C12orf42: variants seen among roughly 807,000 people sequenced by gnomAD.
C12orf42 encodes uncharacterized protein C12orf42.
Under a neutral mutation model 21.6 loss-of-function variants are expected in C12orf42, and 25 were observed. The observed-to-expected ratio is 1.16, with a 90% CI of 0.84 to 1.62. The LOEUF (loss-of-function observed/expected upper bound fraction) is 1.62. Among genes scored for constraint, C12orf42 ranks in the 40% most tolerant of loss-of-function variants. C12orf42 has a pLI of 0.00. For synonymous variants in C12orf42, 174 were observed against 175.0 expected, an observed-to-expected ratio of 0.99 and a Z score of 0.05; for missense variants, 483 against 459.3, an observed-to-expected ratio of 1.05 and a Z score of -0.47.
chr12:103,467,476 T>C (rs1412782824), intron 2 of C12orf42, among the ~76,000 whole-genome samples: 3 of 152,310 alleles, frequency 2.0e-5, no homozygotes, highest in Admixed American at 6.5e-5. Flanking sequence ...AGGAAAGCAC[T>C]GACCCCATCC....
In C12orf42 at chr12:103,477,851, G is replaced by A. The variant is rs1332608271; in HGVS notation, c.78+498C>T. The A allele has an allele frequency of 4.8e-5, 8 of 165,598 alleles. No individual in the cohort carries two copies. The Admixed American group carries it at 5.2e-4, about 11-fold the overall frequency. The allele number at this position is 165,598 out of a possible 1,614,324, so 10.3% of individuals were successfully genotyped here. A position where few individuals can be genotyped will look rare whatever the true frequency, so the allele number is the denominator to read the frequency against. On this transcript the variant is annotated intron_variant, in intron 2 of 5. Transcript: ENST00000548883. ...AAGTGGAAGATAGTACACTTGTACT[G>A]TTTTAAGCCACTAAGTTTGTGGTAA...
At chr12:103,461,001 C>T (rs1952663295) in intron 2 of C12orf42, among the ~76,000 whole-genome samples, 1 of 152,100 alleles carries the variant, frequency 6.6e-6, no homozygotes, top group Non-Finnish European at 1.5e-5. Context: ...TGTAGAACAA[C>T]TTAATAGCAT....
At chr12:103,552,063 A>G in the C12orf42 span, among the ~76,000 whole-genome samples, 1 of 151,678 alleles carries the variant, frequency 6.6e-6, no homozygotes, top group Non-Finnish European at 1.5e-5. Flanking sequence ...GTTTATTGTG[A>G]TCTCTTATGG....
chr12:103,474,370 A>G (rs1331193299), intron 2 of C12orf42, among the ~76,000 whole-genome samples: 2 of 151,974 alleles, frequency 1.3e-5, no homozygotes, highest in Non-Finnish European at 2.9e-5. Flanking sequence ...TCAGAAAGAG[A>G]GTCTGGCTGA....
intron 2 of C12orf42, among the ~76,000 whole-genome samples, chr12:103,448,032 C>A (rs1951687494): frequency 6.6e-6 from 1 of 151,716 alleles, no homozygotes; most frequent in South Asian, 2.1e-4. Flanking sequence ...TCACATTACC[C>A]AACGTCAAAC....
chr12:103,518,322 C>T, the C12orf42 span, among the ~76,000 whole-genome samples: 162 of 152,274 alleles, frequency 1.1e-3, no homozygotes, highest in African/African-American at 3.6e-3. Flanking sequence ...GCCAGGAAAC[C>T]AAGCCATCCC....
chr12:103,345,384 C>T (rs1463036047), intron 4 of C12orf42, among the ~76,000 whole-genome samples: 1 of 152,234 alleles, frequency 6.6e-6, no homozygotes, highest in South Asian at 2.1e-4. Flanking sequence ...ATCATAAGGG[C>T]TCAGTAAATG....
intron 4 of C12orf42, among the ~76,000 whole-genome samples, chr12:103,358,767 G>C (rs1566146711): frequency 6.6e-6 from 1 of 151,972 alleles, no homozygotes; most frequent in Non-Finnish European, 1.5e-5. Flanking sequence ...CCATCATCAG[G>C]TTCTTCTTTA....
At chr12:103,352,159 G>A (rs537540022) in intron 4 of C12orf42, among the ~76,000 whole-genome samples, 16 of 152,092 alleles carry the variant, frequency 1.1e-4, no homozygotes, top group Admixed American at 9.8e-4. Context: ...TGTTTCCCTG[G>A]TTCTTCACTT....
chr12:103,449,716 C>A (rs1228686412), intron 2 of C12orf42, among the ~76,000 whole-genome samples: 1 of 151,442 alleles, frequency 6.6e-6, no homozygotes, highest in Admixed American at 6.6e-5. Flanking sequence ...TTCTCCCTCC[C>A]CTAATTTATT....
At chr12:103,511,042 T>A in the C12orf42 span, among the ~76,000 whole-genome samples, 3 of 152,202 alleles carry the variant, frequency 2.0e-5, no homozygotes, top group East Asian at 5.8e-4. Context: ...GGTTGACCAT[T>A]CTAACTCTCA....
the C12orf42 span, among the ~76,000 whole-genome samples, chr12:103,509,713 T>C: frequency 1.3e-5 from 2 of 152,130 alleles, no homozygotes; most frequent in Admixed American, 6.6e-5. Context: ...CCAAAACACA[T>C]GGAAATTGTT....
intron 1 of C12orf42, among the ~76,000 whole-genome samples, chr12:103,484,652 CTTTAG>C (rs1467679993): frequency 7.2e-5 from 11 of 152,086 alleles, no homozygotes; most frequent in African/African-American, 2.7e-4. Flanking sequence ...TGCAGAAGCT[CTTTAG>C]TTTAATTAGA....
intron 2 of C12orf42, among the ~76,000 whole-genome samples, chr12:103,462,952 G>T (rs1315799791): frequency 6.6e-6 from 1 of 152,192 alleles, no homozygotes; most frequent in African/African-American, 2.4e-5. Context: ...TTTAAATTCA[G>T]GTTGTGTCAC....
At chr12:103,559,494 A>T in the C12orf42 span, 1 of 152,236 alleles carries the variant, frequency 6.6e-6, no homozygotes, top group South Asian at 2.1e-4. Flanking sequence ...GAGTCCTGTG[A>T]GTTCTAGCAA....
chr12:103,527,045 T>C, the C12orf42 span, among the ~76,000 whole-genome samples: 20 of 152,224 alleles, frequency 1.3e-4, no homozygotes, highest in Admixed American at 5.2e-4. Context: ...GAGAACCCAA[T>C]TGACTTCTGG....
intron 4 of C12orf42, among the ~76,000 whole-genome samples, chr12:103,280,668 T>A (rs896852621): frequency 2.0e-5 from 3 of 152,150 alleles, no homozygotes; most frequent in Non-Finnish European, 2.9e-5. Flanking sequence ...AAGTAAAGGA[T>A]AAAATACAAT....
At chr12:103,427,523 A>T (rs1592756279) in intron 2 of C12orf42, among the ~76,000 whole-genome samples, 1 of 152,198 alleles carries the variant, frequency 6.6e-6, no homozygotes, top group East Asian at 1.9e-4. Flanking sequence ...CCATACAACA[A>T]TAGTGGGAGA....
chr12:103,226,296 G>A, the C12orf42 span, among the ~76,000 whole-genome samples: 13 of 152,212 alleles, frequency 8.5e-5, no homozygotes, highest in South Asian at 2.1e-4. Flanking sequence ...CCTTGAAGGT[G>A]AGGTTAATTA....
Sources: gnomAD v4.1 joint callset for allele counts (sites outside exome capture counted in the v4.1 genomes callset) on GRCh38, gnomAD v4.1.1 for gene constraint, MANE v1.5 for transcripts, NCBI Gene and HGNC (gene_info 2026-07-23, HGNC 2026-07-21) for gene names.